Variants in DDX5 observed in about 807,000 individuals in gnomAD.
DDX5 encodes the protein DEAD-box helicase 5, also known as probable ATP-dependent RNA helicase DDX5.
In DDX5, 6 loss-of-function variants were observed where a neutral mutation model predicts 68.6. The observed-to-expected ratio is 0.09, with a 90% confidence interval of 0.05 to 0.17. The LOEUF (loss-of-function observed/expected upper bound fraction) is 0.17, where lower values mean the gene tolerates loss of function less well. Ranked by LOEUF, DDX5 falls within the 10% of genes least tolerant of loss-of-function variation. The probability of loss-of-function intolerance (pLI) is 1.00; values close to 1 mark genes in which losing one functional copy is unlikely to be tolerated. For missense variants in DDX5, 499 were observed against 756.1 expected (o/e 0.66, Z 3.99); for synonymous variants, 350 against 247.0 (o/e 1.42, Z -3.91).
intron 1 of DDX5, 82 bp downstream of exon 1, chr17:64,505,994 C>G: frequency 6.5e-7 from 1 of 1,542,948 alleles, no homozygotes; most frequent in Non-Finnish European, 8.7e-7. Context: ...GTCCAAGCCG[C>G]AAAGCCCCCG....
chr17:64,500,423 T>C (rs1423457848), intron 12 of DDX5, 97 bp from the exon 13 acceptor site: 5 of 1,528,012 alleles, frequency 3.3e-6, no homozygotes, highest in Non-Finnish European at 4.4e-6. Flanking sequence ...GCGTGAAATG[T>C]TTTTACAATT....
At position 64,498,458 on chromosome 17, in the gene DDX5, C is replaced by T. The variant is rs1395055536; in HGVS notation, c.*1465G>A. 6.6e-6 allele frequency among the ~76,000 whole-genome samples: 1 copy of T among 152,098 alleles called. No individual in the cohort carries two copies. The highest frequency in any genetic ancestry group is 1.5e-5 in the Non-Finnish European group (1 of 68,022). ...ATATGTAATAAATGCTCCAACCTAC[C>T]CTCTCCCCCGAAAGCTGCTTCTAAG... On this transcript the variant is annotated 3_prime_UTR_variant, in exon 13 of 13. Coordinates refer to ENST00000225792, the MANE Select transcript of DDX5 (RefSeq NM_004396.5).
rs2038513017 is a variant in DDX5 at position 64,506,222 on chromosome 17, G to A, written c.-103C>T. ...ACGGCGAAGCCTTGCGGGGGCGGCAGCGGAGGAAGGACACCGATGACACCA... is the reference window on the plus strand; with the variant it reads ...ACGGCGAAGCCTTGCGGGGGCGGCAACGGAGGAAGGACACCGATGACACCA... On this transcript the variant is annotated 5_prime_UTR_variant, in exon 1 of 13. Coordinates refer to ENST00000225792, the MANE Select transcript of DDX5 (RefSeq NM_004396.5). The A allele has an allele frequency of 3.2e-6, 5 of 1,556,616 alleles. No homozygotes were observed. The Admixed American group carries it at 5.8e-5, about 18-fold the overall frequency.
At chr17:64,505,135 T>G (rs995467800) in intron 1 of DDX5, 1 of 328,988 alleles carries the variant, frequency 3.0e-6, no homozygotes, top group Non-Finnish European at 5.5e-6. Flanking sequence ...TTTGGGATTC[T>G]GGCACACACC....
At position 64,498,921 on chromosome 17, in the gene DDX5, T is replaced by A. The variant is rs187250755; in HGVS notation, c.*1002A>T. Among the ~76,000 whole-genome samples the A allele has an allele frequency of 6.6e-6, 1 of 152,340 alleles. No individual in the cohort carries two copies. ...GATTAGTCATTAATTTTAATGAGGT[T>A]TTTTCCTTGTGTTGAGTATGAATAG... is the stretch of plus-strand genomic sequence containing the variant. On this transcript the variant is annotated 3_prime_UTR_variant, in exon 13 of 13. Transcript: ENST00000225792.
rs1555671910 is a variant in DDX5 at position 64,504,982 on chromosome 17, A to ATC, written c.45-142_45-141dup. On this transcript the variant is annotated intron_variant, in intron 1 of 12. Coordinates refer to ENST00000225792, the MANE Select transcript of DDX5 (RefSeq NM_004396.5). The stretch of plus-strand genomic sequence containing the variant: ...AAACCTAGCACTGTCCTTCGTGAAA[A>ATC]TCTCTCTCTCTCTCAACAGCCACAG... The ATC allele has an allele frequency of 3.3e-5, 22 of 667,806 alleles. No individual in the cohort carries two copies. The East Asian group carries it at 3.9e-4, about 12-fold the overall frequency. 41.4% of individuals were successfully genotyped at this position (667,806 alleles called of 1,614,324 possible). A position where few individuals can be genotyped will look rare whatever the true frequency, so the allele number is the denominator to read the frequency against.
At chr17:64,505,435 C>T in intron 1 of DDX5, 1 of 548,420 alleles carries the variant, frequency 1.8e-6, no homozygotes, top group East Asian at 3.0e-5. Flanking sequence ...GAGCCGGCGA[C>T]TACCGGGGGA....
Position 64,502,370 on chromosome 17 carries a change from C to T in DDX5, c.1094+69G>A, listed in dbSNP as rs182117980. The T allele has an allele frequency of 1.3e-5, 19 of 1,449,554 alleles. No homozygotes were observed. In the East Asian group the frequency reaches 2.5e-4, roughly 19 times the overall value. 89.8% of individuals were successfully genotyped at this position (1,449,554 alleles called of 1,614,324 possible). On this transcript the variant is annotated intron_variant, in intron 9 of 12. Transcript: ENST00000225792. ...TCAGATATGAAAAAAATCCACTGCTCGTGATCCAAGTTTGCCCTTTCCTAA... is the reference window on the plus strand; with the variant it reads ...TCAGATATGAAAAAAATCCACTGCTTGTGATCCAAGTTTGCCCTTTCCTAA...
In DDX5 at chr17:64,499,939, G is replaced by A; in HGVS notation, c.1829C>T (p.Thr610Ile). Reference sequence around the variant, plus strand: ...TCTAAAGTCTTATTGGGAATATCCTGTTGGCATTGGATAACCAATCATAGG... The same window carrying A: ...TCTAAAGTCTTATTGGGAATATCCTATTGGCATTGGATAACCAATCATAGG... ...AAPMIGYPMP[T>I]GYSQ is the part of the protein sequence containing the mutation. Residue 610 changes from threonine (T) to isoleucine (I), a missense_variant, in exon 13 of 13, where the codon ACA (threonine) becomes ATA (isoleucine). By Grantham distance (89) the Thr-to-Ile change is moderately conservative. Coordinates refer to ENST00000225792, the MANE Select transcript of DDX5 (RefSeq NM_004396.5). 6.2e-7 allele frequency: 1 copy of A among 1,604,148 alleles called. No homozygotes were observed. Among genetic ancestry groups the A allele is most frequent in the South Asian group, 1.1e-5 (1 of 89,792 alleles).
rs1395012280 is a variant in DDX5 at position 64,498,952 on chromosome 17, A to G, written c.*971T>C. On this transcript the variant is annotated 3_prime_UTR_variant, in exon 13 of 13. Coordinates refer to ENST00000225792, the MANE Select transcript of DDX5 (RefSeq NM_004396.5). Reference sequence around the variant, plus strand: ...CTTGTGTTGAGTATGAATAGACCTTACAGTTTGAGGATCTCTAGAATTCCC... The same window carrying G: ...CTTGTGTTGAGTATGAATAGACCTTGCAGTTTGAGGATCTCTAGAATTCCC... 6.6e-6 allele frequency among the ~76,000 whole-genome samples: 1 copy of G among 152,210 alleles called. No individual in the cohort carries two copies. Among genetic ancestry groups the G allele is most frequent in the Non-Finnish European group, 1.5e-5 (1 of 68,038 alleles).
In DDX5 at chr17:64,504,806, C is replaced by T. The variant is rs781843893; in HGVS notation, c.81G>A (p.Gly27=). The change falls in exon 2 of 13, where the codon GGG becomes GGA. Residue 27 remains glycine, a synonymous_variant. Transcript: ENST00000225792. ...GAPRFGGSRA[G]PLSGKKFGNP... is the part of the protein sequence containing the mutation. ...TTCCAAACTTCTTTCCAGATAAGGG[C>T]CCTGCCCTACTTCCTCCAAATCGAG... 16 of 1,611,168 alleles carry T rather than the reference C, an allele frequency of 9.9e-6. No individual in the cohort carries two copies. In the East Asian group the frequency reaches 3.6e-4, roughly 36 times the overall value.
Position 64,500,543 on chromosome 17 carries a change from C to G in DDX5, c.1441+6G>C, listed in dbSNP as rs782395895. 17 of 1,611,038 alleles carry G rather than the reference C, an allele frequency of 1.1e-5. No homozygotes were observed. Among genetic ancestry groups the G allele is most frequent in the Non-Finnish European group, 1.4e-5 (16 of 1,178,030 alleles). ...ACTACCAACATTTCCTATCAGTCATCCTTACCTGAACCTCTGTCTTCGACC... is the reference window on the plus strand; with the variant it reads ...ACTACCAACATTTCCTATCAGTCATGCTTACCTGAACCTCTGTCTTCGACC... On this transcript the variant is annotated splice_donor_region_variant and intron_variant, in intron 12 of 12. Transcript: ENST00000225792.
intron 11 of DDX5, 59 bp downstream of exon 11, chr17:64,501,950 TA>T (rs1249116171): frequency 1.9e-6 from 3 of 1,549,224 alleles, no homozygotes; most frequent in Non-Finnish European, 1.8e-6. Context: ...AAACTTTCTT[TA>T]AAAAAGTTAA....
chr17:64,505,828 C>G, intron 1 of DDX5: 1 of 1,536,168 alleles, frequency 6.5e-7, no homozygotes. Context: ...TCAACAGCTA[C>G]CAAATGGCAG....
chr17:64,504,210 A>G lies in DDX5; in HGVS notation c.307+12T>C. ...AAAACACGGGTAGGTAGAACTGAAA[A>G]GTAGCACTTACCAGGGAAATTGGCT... On this transcript the variant is annotated intron_variant, in intron 3 of 12. Transcript: ENST00000225792. The G allele has an allele frequency of 6.2e-7, 1 of 1,613,906 alleles. No homozygotes were observed. The highest frequency in any genetic ancestry group is 8.5e-7 in the Non-Finnish European group (1 of 1,179,758).
Position 64,502,931 on chromosome 17 carries a change from A to G in DDX5, c.978T>C (p.Asp326=). The change falls in exon 8 of 13, where the codon GAT becomes GAC. Residue 326 remains aspartate (D), a synonymous_variant. Coordinates refer to ENST00000225792, the MANE Select transcript of DDX5 (RefSeq NM_004396.5). ...ACAGAGTTAATAAAACTTACTTTTCATCCTTTTCTACGTCATGACACACAT... is the reference window on the plus strand; with the variant it reads ...ACAGAGTTAATAAAACTTACTTTTCGTCCTTTTCTACGTCATGACACACAT... The part of the protein sequence containing the change: ...IVDVCHDVEK[D]EKLIRLMEEI... 2.5e-6 allele frequency: 4 copies of G among 1,582,864 alleles called. No homozygotes were observed. The highest frequency in any genetic ancestry group is 2.7e-5 in the African/African-American group (2 of 73,598).
At chr17:64,505,751 A>C (rs1598157036) in intron 1 of DDX5, 1 of 1,536,138 alleles carries the variant, frequency 6.5e-7, no homozygotes, top group East Asian at 2.4e-5. Flanking sequence ...CGCACCTAAC[A>C]GATGTTCCTT....
intron 1 of DDX5, chr17:64,505,427 G>T: frequency 1.8e-6 from 1 of 547,384 alleles, no homozygotes; most frequent in Non-Finnish European, 3.3e-6. Context: ...AAAAGGAGGA[G>T]CCGGCGACTA....
chr17:64,505,223 G>A (rs557032547), intron 1 of DDX5: 10 of 253,158 alleles, frequency 4.0e-5, no homozygotes, highest in South Asian at 7.2e-5. Flanking sequence ...ATGAACCGAA[G>A]AGCATCACGA....
Sources: allele counts gnomAD v4.1 joint callset (sites outside exome capture counted in the v4.1 genomes callset), GRCh38; gene constraint gnomAD v4.1.1; transcripts MANE v1.5; gene names NCBI Gene and HGNC (gene_info 2026-07-23, HGNC 2026-07-21).